Variants in SGCD observed in about 807,000 individuals in gnomAD.
The protein encoded by SGCD is delta-sarcoglycan.
In SGCD, 18 loss-of-function variants were observed where a neutral mutation model predicts 36.6. The ratio of observed to expected loss-of-function variants is 0.49; its 90% CI spans 0.34 to 0.73. SGCD has a LOEUF of 0.73. Ranked by LOEUF, SGCD falls within the 30% of genes least tolerant of loss-of-function variation. The probability of loss-of-function intolerance (pLI) is 0.01; values close to 1 mark genes in which losing one functional copy is unlikely to be tolerated. For synonymous variants in SGCD, 133 were observed against 130.6 expected (o/e 1.02, Z -0.12); for missense variants, 387 against 346.7 (o/e 1.12, Z -0.92).
intron 1 of SGCD, among the ~76,000 whole-genome samples, chr5:156,328,445 G>A (rs1244240062): frequency 1.3e-5 from 2 of 151,978 alleles, no homozygotes; most frequent in Non-Finnish European, 2.9e-5. Context: ...CTCTTAGGGT[G>A]GATCTCTGTG....
chr5:156,024,999 A>G (rs1310681458), intron 1 of SGCD, among the ~76,000 whole-genome samples: 1 of 152,162 alleles, frequency 6.6e-6, no homozygotes, highest in African/African-American at 2.4e-5. Flanking sequence ...GCTGTGGCCA[A>G]TAAGTTGAGG....
At chr5:155,737,642 C>G in the SGCD span, among the ~76,000 whole-genome samples, 3 of 152,106 alleles carry the variant, frequency 2.0e-5, no homozygotes, top group African/African-American at 7.2e-5. Context: ...TTTCCTAGTT[C>G]AAGATCCCAT....
At chr5:156,327,421 T>G (rs1432871057) in intron 1 of SGCD, among the ~76,000 whole-genome samples, 189 bp downstream of exon 1, 1 of 152,224 alleles carries the variant, frequency 6.6e-6, no homozygotes, top group African/African-American at 2.4e-5. Flanking sequence ...CTTTAAGGTC[T>G]GATTTTCAGC....
intron 3 of SGCD, among the ~76,000 whole-genome samples, chr5:156,294,287 T>A (rs1766838981): frequency 6.6e-6 from 1 of 152,146 alleles, no homozygotes; most frequent in African/African-American, 2.4e-5. Flanking sequence ...AGAGATAATT[T>A]TATTTCTCCC....
chr5:156,577,072 T>C (rs985148703), intron 4 of SGCD, among the ~76,000 whole-genome samples: 2 of 152,220 alleles, frequency 1.3e-5, no homozygotes, highest in African/African-American at 4.8e-5. Flanking sequence ...AAGTCTTTAA[T>C]CCATCTTGAA....
chr5:156,533,353 C>T (rs538424669), intron 4 of SGCD, among the ~76,000 whole-genome samples: 20 of 152,210 alleles, frequency 1.3e-4, no homozygotes, highest in South Asian at 1.0e-3. Flanking sequence ...ACAGTATCTA[C>T]TTGGAAATAA....
chr5:156,661,843 G>T (rs1485739483), intron 7 of SGCD, among the ~76,000 whole-genome samples: 1 of 152,158 alleles, frequency 6.6e-6, no homozygotes, highest in African/African-American at 2.4e-5. Flanking sequence ...TTTGTTATTC[G>T]TAATCTTGTC....
chr5:156,698,879 A>ACT (rs1172990234), intron 7 of SGCD, among the ~76,000 whole-genome samples: 1 of 150,772 alleles, frequency 6.6e-6, no homozygotes, highest in Non-Finnish European at 1.5e-5. Flanking sequence ...ACACACACAC[A>ACT]CAGCATTTAG....
intron 3 of SGCD, among the ~76,000 whole-genome samples, chr5:156,429,198 A>G (rs1010946270): frequency 6.7e-6 from 1 of 150,248 alleles, no homozygotes; most frequent in Admixed American, 6.6e-5. Flanking sequence ...CGGTGCATAT[A>G]TATTTAGGAC....
chr5:156,669,954 A>G (rs1261850547), intron 7 of SGCD, among the ~76,000 whole-genome samples: 1 of 152,158 alleles, frequency 6.6e-6, no homozygotes, highest in East Asian at 1.9e-4. Flanking sequence ...TCATGACTAG[A>G]CATTACTAGA....
intron 6 of SGCD, among the ~76,000 whole-genome samples, chr5:156,601,354 G>A (rs1417259498): frequency 6.6e-6 from 1 of 151,796 alleles, no homozygotes; most frequent in Admixed American, 6.7e-5. Flanking sequence ...TTCTACATGT[G>A]GATATCCAAT....
At chr5:156,350,219 T>A (rs907774194) in intron 3 of SGCD, among the ~76,000 whole-genome samples, 1 of 109,668 alleles carries the variant, frequency 9.1e-6, no homozygotes, top group African/African-American at 3.1e-5. Flanking sequence ...AAACCACTTG[T>A]ATCTCTAAAG....
At chr5:155,942,026 T>C (rs2113411912) in intron 1 of SGCD, among the ~76,000 whole-genome samples, 1 of 152,318 alleles carries the variant, frequency 6.6e-6, no homozygotes, top group Middle Eastern at 3.4e-3. Flanking sequence ...TACTCAAGTC[T>C]GTCTGATGTC....
At chr5:156,446,912 G>A (rs78566097) in intron 3 of SGCD, among the ~76,000 whole-genome samples, 49 of 152,026 alleles carry the variant, frequency 3.2e-4, no homozygotes, top group African/African-American at 7.5e-4. Flanking sequence ...ACTGAGGCTC[G>A]GATACATTAT....
chr5:156,657,630 G>A lies in SGCD; in HGVS notation c.575+10094G>A, dbSNP rs566706077. Among the ~76,000 whole-genome samples, 6 of 152,200 alleles carry A rather than the reference G, an allele frequency of 3.9e-5. No homozygotes were observed. The South Asian group carries it at 1.2e-3, about 32-fold the overall frequency. On this transcript the variant is annotated intron_variant, in intron 7 of 8. Coordinates refer to ENST00000337851, the MANE Select transcript of SGCD (RefSeq NM_000337.6). ...ATACAAAAATTAGCTGGGTGTGGTG[G>A]TGCATGCCGGTAATCCCAGCTAGTT...
rs957433967 is a variant in SGCD, at chr5:155,996,549, G to A, written c.-281-121329G>A. On this transcript the variant is annotated intron_variant, in intron 1 of 9. Transcript: ENST00000517913. ...TCCCAGCAGTTTGGGAGGCCGAGGC[G>A]GGGGGATCACTTAAGGCCAGGAGTT... Among the ~76,000 whole-genome samples the A allele has an allele frequency of 3.9e-5, 6 of 152,020 alleles. No individual in the cohort carries two copies. The East Asian group carries it at 9.6e-4, about 24-fold the overall frequency.
intron 7 of SGCD, among the ~76,000 whole-genome samples, chr5:156,707,930 G>A (rs558819795): frequency 1.6e-4 from 24 of 152,266 alleles, no homozygotes; most frequent in African/African-American, 5.8e-4. Context: ...GTTTCCCAAA[G>A]TGTGGAGAGC....
At chr5:156,386,167 C>T (rs7723660) in intron 3 of SGCD, among the ~76,000 whole-genome samples, 23,567 of 152,090 alleles carry the variant, frequency 0.15, 1,929 homozygotes, top group South Asian at 0.22. Context: ...GCACTGAAGT[C>T]CCTGTGCTGA....
intron 3 of SGCD, among the ~76,000 whole-genome samples, chr5:156,437,867 G>A (rs1436539409): frequency 6.6e-6 from 1 of 152,162 alleles, no homozygotes; most frequent in Non-Finnish European, 1.5e-5. Context: ...TTACCTCTGT[G>A]ATTTATTACA....
Sources: gnomAD v4.1 joint callset for allele counts (sites outside exome capture counted in the v4.1 genomes callset) on GRCh38, gnomAD v4.1.1 for gene constraint, MANE v1.5 for transcripts, NCBI Gene and HGNC (gene_info 2026-07-23, HGNC 2026-07-21) for gene names.